GPATCH2: variants seen among roughly 807,000 people sequenced by gnomAD.
GPATCH2 encodes G patch domain-containing protein 2.
GPATCH2 carries 51 observed loss-of-function variants against 58.0 expected under a neutral mutation model. That is an observed-to-expected ratio of 0.88 (90% CI 0.70 to 1.11). The LOEUF is 1.11. Among genes scored for constraint, GPATCH2 ranks in the 50% most tolerant of loss-of-function variants. The pLI, the probability that GPATCH2 is intolerant of heterozygous loss-of-function variation, is 0.00. For synonymous variants in GPATCH2, 222 were observed against 218.5 expected (o/e 1.02, Z -0.14); for missense variants, 625 against 652.2 (o/e 0.96, Z 0.45).
intron 5 of GPATCH2, among the ~76,000 whole-genome samples, chr1:217,532,990 C>T (rs56997764): frequency 0.018 from 2,669 of 149,958 alleles, 85 homozygotes; most frequent in African/African-American, 0.061. Flanking sequence ...CCTTGACCTC[C>T]CAGGTTCAAG....
intron 5 of GPATCH2, among the ~76,000 whole-genome samples, chr1:217,584,447 T>G (rs1667242893): frequency 6.6e-6 from 1 of 150,854 alleles, no homozygotes; most frequent in South Asian, 2.1e-4. Flanking sequence ...GAGAGTTGCT[T>G]GAACCCGGGA....
intron 5 of GPATCH2, among the ~76,000 whole-genome samples, chr1:217,568,784 C>G (rs912622297): frequency 7.9e-5 from 12 of 152,102 alleles, no homozygotes; most frequent in Non-Finnish European, 1.8e-4. Flanking sequence ...GGAGGCCATT[C>G]AAGAGTTCTG....
intron 5 of GPATCH2, among the ~76,000 whole-genome samples, chr1:217,569,240 C>T (rs573413535): frequency 1.2e-4 from 19 of 152,052 alleles, no homozygotes; most frequent in African/African-American, 4.6e-4. Context: ...ATACGTTTGA[C>T]TTGGCTGAAA....
intron 1 of GPATCH2, among the ~76,000 whole-genome samples, chr1:217,622,280 C>T (rs999338597): frequency 1.3e-5 from 2 of 152,154 alleles, no homozygotes; most frequent in Non-Finnish European, 2.9e-5. Flanking sequence ...TGAAAGTAAA[C>T]TGAGCTCAAA....
chr1:217,489,712 A>G (rs1050864145), intron 8 of GPATCH2, among the ~76,000 whole-genome samples: 10 of 152,332 alleles, frequency 6.6e-5, no homozygotes, highest in South Asian at 4.1e-4. Context: ...CAAATACAAA[A>G]TTAGCCGGGT....
At chr1:217,437,837 G>A (rs1558391461) in intron 9 of GPATCH2, among the ~76,000 whole-genome samples, 1 of 152,208 alleles carries the variant, frequency 6.6e-6, no homozygotes, top group Non-Finnish European at 1.5e-5. Flanking sequence ...CCTGCTGGCT[G>A]GCTCTGAAGA....
chr1:217,603,661 T>C (rs1668215425), intron 5 of GPATCH2, among the ~76,000 whole-genome samples: 1 of 152,130 alleles, frequency 6.6e-6, no homozygotes, highest in Non-Finnish European at 1.5e-5. Context: ...CTCACTCTGT[T>C]GCCCAGACTG....
At chr1:217,467,616 TA>T (rs1660522016) in intron 8 of GPATCH2, among the ~76,000 whole-genome samples, 1 of 152,182 alleles carries the variant, frequency 6.6e-6, no homozygotes. Context: ...GGAAAAAGAT[TA>T]AAATCAATGA....
chr1:217,547,383 C>G (rs1558474802), intron 5 of GPATCH2, among the ~76,000 whole-genome samples: 1 of 151,568 alleles, frequency 6.6e-6, no homozygotes, highest in Non-Finnish European at 1.5e-5. Flanking sequence ...CAGACGCCGG[C>G]AAGGTTGTAA....
At chr1:217,534,217 A>G (rs1391739082) in intron 5 of GPATCH2, among the ~76,000 whole-genome samples, 1 of 152,156 alleles carries the variant, frequency 6.6e-6, no homozygotes, top group East Asian at 1.9e-4. Flanking sequence ...CCCTGTCTCA[A>G]AAATAAATAA....
At chr1:217,447,775 G>A (rs921014996) in intron 9 of GPATCH2, among the ~76,000 whole-genome samples, 2 of 152,104 alleles carry the variant, frequency 1.3e-5, no homozygotes, top group Non-Finnish European at 2.9e-5. Context: ...ATTTTCTAGT[G>A]CTTTACTATG....
At chr1:217,607,407 T>C (rs1006781100) in intron 5 of GPATCH2, among the ~76,000 whole-genome samples, 2 of 152,274 alleles carry the variant, frequency 1.3e-5, no homozygotes, top group East Asian at 3.9e-4. Context: ...TTATTCTGTT[T>C]TAAATAGCCC....
In GPATCH2 at chr1:217,478,315, C is replaced by T. The variant is rs569067231; in HGVS notation, c.1277+13365G>A. On this transcript the variant is annotated intron_variant, in intron 8 of 9. Transcript: ENST00000366935. ...CCCACCACATGAACTAAATAAGGCA[C>T]GAGGGACCATCCTGGAGAAACAGAC... is the stretch of plus-strand genomic sequence containing the variant. Among the ~76,000 whole-genome samples, 13 of 151,922 alleles carry T rather than the reference C, an allele frequency of 8.6e-5. No homozygotes were observed. In the East Asian group the frequency reaches 1.4e-3, roughly 16 times the overall value.
At chr1:217,586,192 T>C (rs1667332799) in intron 5 of GPATCH2, among the ~76,000 whole-genome samples, 2 of 152,204 alleles carry the variant, frequency 1.3e-5, no homozygotes, top group Admixed American at 6.5e-5. Flanking sequence ...ATCCTCTTTC[T>C]TCAATAATAA....
chr1:217,498,973 T>A (rs528805614), intron 6 of GPATCH2, among the ~76,000 whole-genome samples: 1 of 152,242 alleles, frequency 6.6e-6, no homozygotes, highest in South Asian at 2.1e-4. Flanking sequence ...CACTGCATCA[T>A]CAAAGCCTTG....
At chr1:217,567,912 C>A (rs549447376) in intron 5 of GPATCH2, among the ~76,000 whole-genome samples, 5 of 152,200 alleles carry the variant, frequency 3.3e-5, no homozygotes, top group East Asian at 3.9e-4. Context: ...GTCAGGAGAT[C>A]GAGACTATCC....
intron 5 of GPATCH2, among the ~76,000 whole-genome samples, chr1:217,568,992 C>T (rs146365555): frequency 1.3e-5 from 2 of 151,980 alleles, no homozygotes; most frequent in East Asian, 1.9e-4. Flanking sequence ...CAAATAGATC[C>T]ACTAGGATTT....
chr1:217,555,595 C>T (rs1047389598), intron 5 of GPATCH2, among the ~76,000 whole-genome samples: 11 of 152,146 alleles, frequency 7.2e-5, no homozygotes, highest in African/African-American at 2.7e-4. Context: ...ACTTATTAAT[C>T]AAATTGTTTC....
chr1:217,498,683 C>A (rs1455675564), intron 6 of GPATCH2: 2 of 513,016 alleles, frequency 3.9e-6, no homozygotes, highest in Non-Finnish European at 6.9e-6. Flanking sequence ...TTTTATGAAT[C>A]AATTCTGGTT....
Sources: gnomAD v4.1 joint callset for allele counts (sites outside exome capture counted in the v4.1 genomes callset) on GRCh38, gnomAD v4.1.1 for gene constraint, MANE v1.5 for transcripts, NCBI Gene and HGNC (gene_info 2026-07-23, HGNC 2026-07-21) for gene names.